PRKG1: variants seen among roughly 807,000 people sequenced by gnomAD.
PRKG1 encodes the protein cGMP-dependent protein kinase 1.
A neutral mutation model predicts 88.1 loss-of-function variants in PRKG1; 35 were observed. That is an observed-to-expected ratio of 0.40 (90% CI 0.30 to 0.53). The LOEUF is 0.53. Ranked by LOEUF, PRKG1 falls within the 20% of genes least tolerant of loss-of-function variation. The pLI is 0.59. For missense variants in PRKG1, 540 were observed against 839.8 expected, an observed-to-expected ratio of 0.64 and a Z score of 4.41; for synonymous variants, 303 against 292.5, an observed-to-expected ratio of 1.04 and a Z score of -0.37.
At chr10:51,354,361 C>A (rs1842319237) in intron 2 of PRKG1, among the ~76,000 whole-genome samples, 1 of 152,074 alleles carries the variant, frequency 6.6e-6, no homozygotes, top group East Asian at 1.9e-4. Context: ...GATGAATACC[C>A]AACTTTCTGT....
chr10:52,271,402 A>G lies in PRKG1; in HGVS notation c.1226A>G (p.Lys409Arg), dbSNP rs1445625014. 2.5e-6 allele frequency: 4 copies of G among 1,612,966 alleles called. No homozygotes were observed. Among genetic ancestry groups the G allele is most frequent in the Non-Finnish European group, 3.4e-6 (4 of 1,179,342 alleles). Residue 409 changes from lysine (K) to arginine (R), a missense_variant, in exon 11 of 18, where the codon AAA (lysine) becomes AGA (arginine). Lys to Arg is a conservative substitution (Grantham distance 26). Transcript: ENST00000373980. Reference sequence around the variant, plus strand: ...ACGTTTGCAATGAAGATTCTCAAGAAACGTCACATTGTGGACACAAGACAG... The same window carrying G: ...ACGTTTGCAATGAAGATTCTCAAGAGACGTCACATTGTGGACACAAGACAG... Reference protein sequence around the residue: ...SKTFAMKILKKRHIVDTRQQE... With the variant: ...SKTFAMKILKRRHIVDTRQQE...
intron 2 of PRKG1, among the ~76,000 whole-genome samples, chr10:51,290,245 A>G (rs1276895929): frequency 6.6e-6 from 1 of 152,090 alleles, no homozygotes; most frequent in Non-Finnish European, 1.5e-5. Flanking sequence ...GTCTCAAAAA[A>G]CAAACAAAAA....
At position 51,908,734 on chromosome 10, in the gene PRKG1, A is replaced by ATATATATATATATATTTTT. The variant is rs563212069; in HGVS notation, c.762+1165_762+1166insATATATATATATATTTTTT. ...CTCTCTGTCTATCTATCTATATGTA[A>ATATATATATATATATTTTT]TTTTTTTTTTTTTGAGACAGTGTCT... On this transcript the variant is annotated intron_variant, in intron 5 of 17. Transcript: ENST00000373980. 178 of 52,174 alleles carry ATATATATATATATATTTTT rather than the reference A, an allele frequency of 3.4e-3. 4 individuals carry two copies. Among genetic ancestry groups the ATATATATATATATATTTTT allele is most frequent in the South Asian group, 0.011 (24 of 2,140 alleles). The allele number at this position is 52,174 out of a possible 1,614,324, so 3.2% of individuals were successfully genotyped here. A position where few individuals can be genotyped will look rare whatever the true frequency, so the allele number is the denominator to read the frequency against.
At chr10:51,743,430 A>G (rs1490933850) in intron 3 of PRKG1, among the ~76,000 whole-genome samples, 1 of 151,812 alleles carries the variant, frequency 6.6e-6, no homozygotes, top group Non-Finnish European at 1.5e-5. Flanking sequence ...TGAAAGTGGC[A>G]GCTTGGAAAT....
intron 5 of PRKG1, among the ~76,000 whole-genome samples, chr10:52,017,003 A>C (rs978735228): frequency 1.5e-4 from 23 of 152,310 alleles, no homozygotes; most frequent in Admixed American, 1.5e-3. Context: ...CATAGTAGAC[A>C]AAAAGACATG....
intron 5 of PRKG1, among the ~76,000 whole-genome samples, chr10:52,046,453 T>A (rs533514847): frequency 1.3e-5 from 2 of 152,280 alleles, no homozygotes; most frequent in African/African-American, 2.4e-5. Flanking sequence ...TATACTGTTC[T>A]ATCTCTGTAC....
rs145797100 is a variant in PRKG1, at chr10:51,596,219, A to G, written c.592+128383A>G. Among the ~76,000 whole-genome samples, 603 of 152,290 alleles carry G rather than the reference A, an allele frequency of 4.0e-3. 6 individuals carry two copies. The highest frequency in any genetic ancestry group is 0.014 in the African/African-American group (567 of 41,558). ...TATGTATCTTTTTGCTGAATATTTT[A>G]TTCCCAGTACAAAGCACATCTGACA... On this transcript the variant is annotated intron_variant, in intron 3 of 17. Transcript: ENST00000373980.
chr10:51,108,907 GTT>G lies in PRKG1; in HGVS notation c.311+34008_311+34009del, dbSNP rs543977935. On this transcript the variant is annotated intron_variant, in intron 1 of 17. Coordinates refer to ENST00000373980, the MANE Select transcript of PRKG1 (RefSeq NM_006258.4). ...AAAAGCTACTAGAACTGGGAAATGAGTTTAGTAAGATGCAGGATACTACATCA... is the reference window on the plus strand; with the variant it reads ...AAAAGCTACTAGAACTGGGAAATGAGTAGTAAGATGCAGGATACTACATCA... 2.2e-4 allele frequency among the ~76,000 whole-genome samples: 33 copies of G among 152,218 alleles called. No homozygotes were observed. In the South Asian group the frequency reaches 6.6e-3, roughly 31 times the overall value.
chr10:51,280,135 C>G (rs1292770015), intron 2 of PRKG1, among the ~76,000 whole-genome samples: 7 of 152,156 alleles, frequency 4.6e-5, no homozygotes, highest in Admixed American at 3.9e-4. Flanking sequence ...ACTTATGAAG[C>G]TTAGTTTGGC....
intron 3 of PRKG1, among the ~76,000 whole-genome samples, chr10:51,518,688 C>T (rs1841659134): frequency 6.6e-6 from 1 of 152,042 alleles, no homozygotes; most frequent in Non-Finnish European, 1.5e-5. Context: ...GAAATAGAAG[C>T]AAGAAATACT....
At chr10:51,899,851 A>G (rs1841942891) in intron 4 of PRKG1, among the ~76,000 whole-genome samples, 1 of 151,754 alleles carries the variant, frequency 6.6e-6, no homozygotes, top group South Asian at 2.1e-4. Context: ...ATGCGGTTGC[A>G]TACCTCATGA....
chr10:51,943,704 C>G (rs918825710), intron 5 of PRKG1, among the ~76,000 whole-genome samples: 4 of 151,944 alleles, frequency 2.6e-5, no homozygotes, highest in Non-Finnish European at 5.9e-5. Flanking sequence ...TGCATCTATT[C>G]AGATAATCGT....
chr10:51,308,565 A>T (rs1341547229), intron 2 of PRKG1, among the ~76,000 whole-genome samples: 3 of 152,110 alleles, frequency 2.0e-5, no homozygotes. Flanking sequence ...GAGCAAGGTA[A>T]TAGCAGGGCT....
At chr10:51,993,325 TA>T (rs200699126) in intron 5 of PRKG1, among the ~76,000 whole-genome samples, 7 of 151,654 alleles carry the variant, frequency 4.6e-5, no homozygotes, top group Admixed American at 3.3e-4. Flanking sequence ...AACTTCTCAT[TA>T]AAAAAAATAT....
At chr10:51,221,382 C>T (rs1388974068) in intron 2 of PRKG1, among the ~76,000 whole-genome samples, 1 of 151,816 alleles carries the variant, frequency 6.6e-6, no homozygotes, top group South Asian at 2.1e-4. Flanking sequence ...TCTATGATAT[C>T]AAAATATATA....
chr10:51,276,320 T>C (rs1237167022), intron 2 of PRKG1, among the ~76,000 whole-genome samples: 1 of 152,258 alleles, frequency 6.6e-6, no homozygotes, highest in Non-Finnish European at 1.5e-5. Flanking sequence ...CTGCATAGTA[T>C]TCCATGGTGT....
chr10:51,920,217 C>T (rs909492034), intron 5 of PRKG1, among the ~76,000 whole-genome samples: 2 of 152,176 alleles, frequency 1.3e-5, no homozygotes, highest in African/African-American at 2.4e-5. Context: ...GAATAAGACT[C>T]ATTTTTCTTC....
chr10:51,464,131 AT>A (rs1290478483), intron 2 of PRKG1, among the ~76,000 whole-genome samples: 3 of 149,418 alleles, frequency 2.0e-5, no homozygotes, highest in Non-Finnish European at 3.0e-5. Context: ...AAAAAAAAAA[AT>A]TGCCTGGCAT....
intron 9 of PRKG1, among the ~76,000 whole-genome samples, chr10:52,230,161 T>C (rs1406171193): frequency 6.6e-6 from 1 of 152,140 alleles, no homozygotes; most frequent in Non-Finnish European, 1.5e-5. Flanking sequence ...CATTATGGCA[T>C]GTTTGGATAT....
Sources: gnomAD v4.1 joint callset for allele counts (sites outside exome capture counted in the v4.1 genomes callset) on GRCh38, gnomAD v4.1.1 for gene constraint, MANE v1.5 for transcripts, NCBI Gene and HGNC (gene_info 2026-07-23, HGNC 2026-07-21) for gene names.